Variants in CUX2 observed in about 807,000 individuals in gnomAD.
The protein encoded by CUX2 is homeobox protein cut-like 2.
In CUX2, 40 loss-of-function variants were observed where a neutral mutation model predicts 144.8. That is an observed-to-expected ratio of 0.28 (90% CI 0.21 to 0.36). CUX2 has a LOEUF of 0.36. Among genes scored for constraint, CUX2 ranks in the 10% least tolerant of loss-of-function variants. The probability of loss-of-function intolerance (pLI) is 1.00; values close to 1 mark genes in which losing one functional copy is unlikely to be tolerated. For synonymous variants in CUX2, 827 were observed against 875.6 expected, an observed-to-expected ratio of 0.94 and a Z score of 0.98; for missense variants, 1,615 against 1,994.0, an observed-to-expected ratio of 0.81 and a Z score of 3.62.
At position 111,037,048 on chromosome 12, in the gene CUX2, A is replaced by T. The variant is rs114685649; in HGVS notation, c.63+2808A>T. Among the ~76,000 whole-genome samples, 610 of 151,936 alleles carry T rather than the reference A, an allele frequency of 4.0e-3. 4 individuals carry two copies. The highest frequency in any genetic ancestry group is 0.014 in the African/African-American group (572 of 41,404). ...TATTTTCATTTTTTGCCCCTCCCCT[A>T]CTTTCCTCTTATAGGGGAGATAGCC... On this transcript the variant is annotated intron_variant, in intron 1 of 21. Coordinates refer to ENST00000261726, the MANE Select transcript of CUX2 (RefSeq NM_015267.4). This position sits in a 1 kb window ranked among gnomAD's most constrained non-coding sequence, Gnocchi z 5.4.
chr12:111,045,168 G>T (rs1869935594), intron 1 of CUX2, among the ~76,000 whole-genome samples: 1 of 152,194 alleles, frequency 6.6e-6, no homozygotes, highest in Non-Finnish European at 1.5e-5. Flanking sequence ...GCATGAGAAA[G>T]CGGCCTGGGT....
At chr12:111,142,742 G>C (rs919610961) in intron 1 of CUX2, among the ~76,000 whole-genome samples, 1 of 152,246 alleles carries the variant, frequency 6.6e-6, no homozygotes, top group African/African-American at 2.4e-5. Flanking sequence ...TTGCTGGTTG[G>C]GATGAATCGA....
intron 3 of CUX2, among the ~76,000 whole-genome samples, chr12:111,260,703 A>G (rs1421908755): frequency 2.6e-5 from 4 of 152,110 alleles, no homozygotes; most frequent in Non-Finnish European, 5.9e-5. Flanking sequence ...GAAGAGATAA[A>G]TCATGGACCA....
intron 1 of CUX2, among the ~76,000 whole-genome samples, chr12:111,080,227 CCTGA>C (rs1228550371): frequency 1.3e-5 from 2 of 152,040 alleles, no homozygotes; most frequent in Non-Finnish European, 2.9e-5. Flanking sequence ...CTCCAGCCAC[CCTGA>C]CTAAAATCCC....
intron 1 of CUX2, among the ~76,000 whole-genome samples, chr12:111,199,412 T>A (rs1880438319): frequency 6.6e-6 from 1 of 152,112 alleles, no homozygotes. Flanking sequence ...ACAAACATTA[T>A]CCCCATTGCG....
intron 1 of CUX2, among the ~76,000 whole-genome samples, chr12:111,158,545 A>G (rs978112895): frequency 1.3e-5 from 2 of 151,740 alleles, no homozygotes; most frequent in Non-Finnish European, 2.9e-5. Flanking sequence ...TGGGCAGTGC[A>G]AAGATAGCCT....
chr12:111,114,895 G>A (rs1057200431), intron 1 of CUX2, among the ~76,000 whole-genome samples: 5 of 152,172 alleles, frequency 3.3e-5, no homozygotes, highest in African/African-American at 1.2e-4. Flanking sequence ...ATATCCATTT[G>A]TTCTAGCACC....
At chr12:111,067,523 A>G (rs1038619166) in intron 1 of CUX2, among the ~76,000 whole-genome samples, 5 of 152,096 alleles carry the variant, frequency 3.3e-5, no homozygotes, top group Admixed American at 2.6e-4. Flanking sequence ...AGCCCAACCC[A>G]TGTTTTTATT....
In CUX2 at chr12:111,320,433, C is replaced by T; in HGVS notation, c.2424C>T (p.Ser808=). Residue 808 remains serine, a synonymous_variant, in exon 17 of 22, where the codon TCC becomes TCT. Transcript: ENST00000261726. This position sits in a 1 kb window ranked among gnomAD's most constrained non-coding sequence, Gnocchi z 8.1. ...RPYASVSPSL[S]SSSSSGYSGQ... The stretch of plus-strand genomic sequence containing the variant: ...ACGCCTCCGTGTCGCCCTCGCTGTC[C>T]TCCTCCTCCTCCTCTGGCTACTCTG... The T allele has an allele frequency of 4.5e-6, 7 of 1,548,750 alleles. No homozygotes were observed. The highest frequency in any genetic ancestry group is 6.2e-6 in the Non-Finnish European group (7 of 1,137,720).
At chr12:111,326,733 G>A (rs772182442) in intron 18 of CUX2, among the ~76,000 whole-genome samples, 1 of 151,906 alleles carries the variant, frequency 6.6e-6, no homozygotes, top group Non-Finnish European at 1.5e-5. Context: ...GAGAAATCCC[G>A]TCTCTCCTAA....
chr12:111,293,337 G>C lies in CUX2; in HGVS notation c.437-109G>C. On this transcript the variant is annotated intron_variant, in intron 5 of 21. Coordinates refer to ENST00000261726, the MANE Select transcript of CUX2 (RefSeq NM_015267.4). The surrounding 1 kb of genome is among the most constrained non-coding windows in gnomAD (Gnocchi z 4.5). ...CAGCTGCGCTCTCTCCAAGGCCCAA[G>C]TTTGGGAAATTGATCACAATCAATG... The C allele has an allele frequency of 6.9e-7, 1 of 1,458,560 alleles. No homozygotes were observed. Among genetic ancestry groups the C allele is most frequent in the Non-Finnish European group, 9.1e-7 (1 of 1,099,418 alleles). 90.4% of individuals were successfully genotyped at this position (1,458,560 alleles called of 1,614,324 possible).
At chr12:111,136,731 G>T (rs562688112) in intron 1 of CUX2, among the ~76,000 whole-genome samples, 1 of 152,170 alleles carries the variant, frequency 6.6e-6, no homozygotes, top group Non-Finnish European at 1.5e-5. Flanking sequence ...CAAGTAAGTG[G>T]CCAGCCAAGG....
At chr12:111,107,758 G>C (rs1873697892) in intron 1 of CUX2, among the ~76,000 whole-genome samples, 1 of 152,158 alleles carries the variant, frequency 6.6e-6, no homozygotes, top group South Asian at 2.1e-4. Flanking sequence ...GGAAAGCTTT[G>C]GGTGTAATTT....
At chr12:111,326,957 C>T (rs1238295166) in intron 18 of CUX2, among the ~76,000 whole-genome samples, 1 of 152,062 alleles carries the variant, frequency 6.6e-6, no homozygotes, top group Non-Finnish European at 1.5e-5. Context: ...CCTTTTAAAC[C>T]ATTTTTGAAG....
intron 1 of CUX2, among the ~76,000 whole-genome samples, chr12:111,047,147 G>A (rs956089087): frequency 1.3e-5 from 2 of 152,212 alleles, no homozygotes; most frequent in African/African-American, 2.4e-5. Context: ...GCTGGGTCCC[G>A]GAGCCGCGTG....
chr12:111,309,937 C>T, intron 14 of CUX2, 104 bp from the exon 15 acceptor site: 1 of 1,042,580 alleles, frequency 9.6e-7, no homozygotes, highest in South Asian at 4.6e-5. Flanking sequence ...CTCGTTGTCT[C>T]TCTCTGTCTC....
Position 111,308,523 on chromosome 12 carries a change from C to G in CUX2, c.1255C>G (p.Pro419Ala). The G allele has an allele frequency of 1.2e-6, 2 of 1,608,908 alleles. No homozygotes were observed. Among genetic ancestry groups the G allele is most frequent in the Non-Finnish European group, 1.7e-6 (2 of 1,177,692 alleles). ...GGAGAAGCCCAGCCTCCTGGCCAGC[C>G]CTGGTAGGGGAGGAGGATACTCTGG... ...LLEKPSLLAS[P>A]EEDPSEDDSI... Residue 419 changes from proline to alanine, a missense_variant, in exon 14 of 22, where the codon CCT becomes GCT. Physicochemically the swap from Pro to Ala is conservative, Grantham distance 27. Around this residue, in one of 12 missense-constraint regions of CUX2, gnomAD observed 57 missense variants for 60.8 expected, o/e 0.94. Transcript: ENST00000261726.
At chr12:111,189,307 C>T (rs185687042) in intron 1 of CUX2, among the ~76,000 whole-genome samples, 1 of 152,228 alleles carries the variant, frequency 6.6e-6, no homozygotes, top group Non-Finnish European at 1.5e-5. Flanking sequence ...CCCTGCTACC[C>T]AGAAACATCC....
intron 1 of CUX2, among the ~76,000 whole-genome samples, chr12:111,165,087 T>G (rs1302436415): frequency 1.3e-5 from 2 of 152,186 alleles, no homozygotes; most frequent in Non-Finnish European, 2.9e-5. Context: ...ATATGAGCAA[T>G]GGATTCCCTT....
Sources: allele counts gnomAD v4.1 joint callset (sites outside exome capture counted in the v4.1 genomes callset), GRCh38; gene constraint gnomAD v4.1.1; regional missense constraint gnomAD v4.1.1; non-coding constraint Gnocchi (gnomAD v3.1); transcripts MANE v1.5; gene names NCBI Gene and HGNC (gene_info 2026-07-23, HGNC 2026-07-21).